BTBD16: variants seen among roughly 807,000 people sequenced by gnomAD.
BTBD16 encodes the protein BTB domain containing 16.
Under a neutral mutation model 67.4 loss-of-function variants are expected in BTBD16, and 66 were observed. The ratio of observed to expected loss-of-function variants is 0.98; its 90% CI spans 0.80 to 1.20. The LOEUF is 1.20. BTBD16 is among the 50% of genes most tolerant of loss of function. BTBD16 has a pLI of 0.00. For missense variants in BTBD16, 634 were observed against 616.0 expected, an observed-to-expected ratio of 1.03 and a Z score of -0.31; for synonymous variants, 242 against 236.4, an observed-to-expected ratio of 1.02 and a Z score of -0.22.
chr10:122,334,832 A>G, intron 13 of BTBD16, 49 bp from the exon 14 acceptor site: 1 of 1,193,302 alleles, frequency 8.4e-7, no homozygotes. Flanking sequence ...GACTTTGAAT[A>G]CTAAATATTT....
At chr10:122,330,885 C>T (rs777743896) in intron 11 of BTBD16, among the ~76,000 whole-genome samples, 3 of 152,180 alleles carry the variant, frequency 2.0e-5, no homozygotes, top group Non-Finnish European at 2.9e-5. Flanking sequence ...TGCACCACCA[C>T]GCGCAGCTAG....
At chr10:122,330,037 G>A (rs547058273) in intron 11 of BTBD16, among the ~76,000 whole-genome samples, 2 of 152,250 alleles carry the variant, frequency 1.3e-5, no homozygotes, top group Admixed American at 1.3e-4. Context: ...AGTCCAGGAG[G>A]CCACCCAGTG....
rs1178192308 is a variant in BTBD16 at position 122,331,268 on chromosome 10, C to T, written c.1086+10C>T. ...CAACCATTACCACGCAGTGAGTTGC[C>T]TGCTCTGCAAGGACACAGTTGTCGA... On this transcript the variant is annotated intron_variant, in intron 12 of 15. Coordinates refer to ENST00000260723, the MANE Select transcript of BTBD16 (RefSeq NM_144587.5). 6.2e-7 allele frequency: 1 copy of T among 1,610,942 alleles called. No individual in the cohort carries two copies. The highest frequency in any genetic ancestry group is 8.5e-7 in the Non-Finnish European group (1 of 1,179,286).
chr10:122,294,223 G>C, intron 7 of BTBD16: 3 of 985,388 alleles, frequency 3.0e-6, no homozygotes, highest in Non-Finnish European at 3.6e-6. Flanking sequence ...GGCATCATAG[G>C]ATACATGTGT....
At chr10:122,323,771 T>C (rs1223770563) in intron 10 of BTBD16, among the ~76,000 whole-genome samples, 3 of 152,152 alleles carry the variant, frequency 2.0e-5, no homozygotes, top group Admixed American at 2.0e-4. Flanking sequence ...CCCTTTCATT[T>C]TGCAGTTGAA....
intron 13 of BTBD16, chr10:122,332,852 C>A: frequency 1.0e-6 from 1 of 985,416 alleles, no homozygotes; most frequent in Non-Finnish European, 1.2e-6. Flanking sequence ...CTATTTCCCA[C>A]AAACACCAAC....
At chr10:122,279,880 G>A (rs540483002) in intron 3 of BTBD16, among the ~76,000 whole-genome samples, 5 of 152,278 alleles carry the variant, frequency 3.3e-5, no homozygotes, top group South Asian at 2.1e-4. Context: ...CTTGAGTTAC[G>A]GAAAGGGTCA....
intron 9 of BTBD16, among the ~76,000 whole-genome samples, chr10:122,302,592 A>G (rs1289003233): frequency 1.3e-5 from 2 of 152,204 alleles, no homozygotes; most frequent in Non-Finnish European, 2.9e-5. Context: ...TCCTTGTTGC[A>G]TCTGTCCCAT....
intron 10 of BTBD16, among the ~76,000 whole-genome samples, chr10:122,323,087 T>C (rs1415858735): frequency 6.6e-6 from 1 of 152,220 alleles, no homozygotes. Context: ...TGTTCTTTAA[T>C]GGTGGTTTTA....
intron 13 of BTBD16, 71 bp from the exon 14 acceptor site, chr10:122,334,810 C>T: frequency 2.1e-6 from 2 of 962,618 alleles, no homozygotes; most frequent in South Asian, 1.3e-5. Flanking sequence ...GTGTGAACCA[C>T]CACGCCCGGG....
At chr10:122,294,712 A>AC (rs1187601318) in intron 7 of BTBD16, among the ~76,000 whole-genome samples, 1 of 151,782 alleles carries the variant, frequency 6.6e-6, no homozygotes, top group Non-Finnish European at 1.5e-5. Flanking sequence ...AGAAGAGGAA[A>AC]CCCCCCACTT....
intron 3 of BTBD16, among the ~76,000 whole-genome samples, chr10:122,277,327 A>G (rs2096343031): frequency 6.6e-6 from 1 of 152,030 alleles, no homozygotes; most frequent in Non-Finnish European, 1.5e-5. Context: ...CAATGAATTG[A>G]TCCTCTCTCA....
intron 10 of BTBD16, among the ~76,000 whole-genome samples, chr10:122,312,882 TTTG>T (rs1380032447): frequency 2.6e-5 from 4 of 152,144 alleles, no homozygotes; most frequent in South Asian, 4.2e-4. Context: ...AGAATGGTCT[TTTG>T]TTGTTGTTGT....
At chr10:122,293,555 G>C (rs1177988521) in intron 7 of BTBD16, among the ~76,000 whole-genome samples, 1 of 152,196 alleles carries the variant, frequency 6.6e-6, no homozygotes, top group Non-Finnish European at 1.5e-5. Context: ...GAGATGAATA[G>C]TTGCAGGCAG....
In BTBD16 at chr10:122,291,093, C is replaced by G; in HGVS notation, c.489C>G (p.Ala163=). The change falls in exon 7 of 16, where the codon GCC becomes GCG. Residue 163 remains alanine, a synonymous_variant. Transcript: ENST00000260723. ...PLVTKVAFAT[A]LKNLYMSEVE... ...GTGCCTCCCCAGCCTTCGCCACGGC[C>G]CTGAAGAACCTCTACATGAGTGAGG... The G allele has an allele frequency of 2.5e-6, 4 of 1,611,832 alleles. No homozygotes were observed. Among genetic ancestry groups the G allele is most frequent in the Non-Finnish European group, 3.4e-6 (4 of 1,179,128 alleles).
At chr10:122,274,432 C>G (rs1045379097) in intron 1 of BTBD16, among the ~76,000 whole-genome samples, 2 of 152,356 alleles carry the variant, frequency 1.3e-5, no homozygotes, top group African/African-American at 2.4e-5. Flanking sequence ...CCGGAGAGTT[C>G]TCCAGTTTCC....
chr10:122,301,115 C>T (rs776193837), intron 9 of BTBD16, among the ~76,000 whole-genome samples: 1 of 152,186 alleles, frequency 6.6e-6, no homozygotes, highest in Admixed American at 6.5e-5. Context: ...CTTTTCCCCA[C>T]TCAGGTGCTC....
chr10:122,277,829 G>A (rs1342323291), intron 3 of BTBD16, among the ~76,000 whole-genome samples: 1 of 152,172 alleles, frequency 6.6e-6, no homozygotes, highest in Admixed American at 6.5e-5. Context: ...CACGAGGTTT[G>A]GAGGAAACAA....
chr10:122,279,997 TGAC>T (rs1416757771), intron 3 of BTBD16, among the ~76,000 whole-genome samples: 5 of 152,164 alleles, frequency 3.3e-5, no homozygotes, highest in African/African-American at 1.2e-4. Flanking sequence ...TGGGTTTTCA[TGAC>T]GCAGGGAGTT....
Sources: gnomAD v4.1 joint callset for allele counts (sites outside exome capture counted in the v4.1 genomes callset) on GRCh38, gnomAD v4.1.1 for gene constraint, MANE v1.5 for transcripts, NCBI Gene and HGNC (gene_info 2026-07-23, HGNC 2026-07-21) for gene names.